The following ERC2 variants were observed in gnomAD, a reference collection of about 807,000 sequenced individuals.
The protein encoded by ERC2 is ELKS/RAB6-interacting/CAST family member 2.
In ERC2, 42 loss-of-function variants were observed where a neutral mutation model predicts 114.8. The observed-to-expected ratio is 0.37, with a 90% CI of 0.29 to 0.47. The LOEUF is 0.47. Ranked by LOEUF, ERC2 falls within the 20% of genes least tolerant of loss-of-function variation. The pLI is 0.99. For synonymous variants in ERC2, 454 were observed against 425.5 expected (o/e 1.07, Z -0.82); for missense variants, 939 against 1,150.7 (o/e 0.82, Z 2.66).
chr3:55,888,611 G>C, intron 13 of ERC2, 62 bp from the exon 14 acceptor site: 1 of 1,582,080 alleles, frequency 6.3e-7, no homozygotes, highest in East Asian at 2.2e-5. Flanking sequence ...GACATCCCTT[G>C]TTAGCCTGTG....
At chr3:56,257,858 A>G (rs951882827) in intron 3 of ERC2, among the ~76,000 whole-genome samples, 1 of 152,220 alleles carries the variant, frequency 6.6e-6, no homozygotes, top group Non-Finnish European at 1.5e-5. Flanking sequence ...ATTCTCATCA[A>G]GGATTTTTTA....
At chr3:55,930,825 G>A (rs1207128252) in intron 13 of ERC2, among the ~76,000 whole-genome samples, 1 of 152,042 alleles carries the variant, frequency 6.6e-6, no homozygotes, top group Non-Finnish European at 1.5e-5. Context: ...GCAACCTACA[G>A]AATGGGAGAA....
chr3:56,027,537 A>G (rs2074119967), intron 7 of ERC2, among the ~76,000 whole-genome samples: 1 of 152,180 alleles, frequency 6.6e-6, no homozygotes, highest in African/African-American at 2.4e-5. Flanking sequence ...TGATATATCA[A>G]TGTAGTTTTA....
chr3:56,213,282 C>G (rs1050952725), intron 3 of ERC2, among the ~76,000 whole-genome samples: 2 of 152,212 alleles, frequency 1.3e-5, no homozygotes, highest in African/African-American at 2.4e-5. Flanking sequence ...AAAGGGGTGA[C>G]AGATGGCACC....
At chr3:55,649,871 G>C (rs1329963324) in intron 17 of ERC2, among the ~76,000 whole-genome samples, 1 of 152,178 alleles carries the variant, frequency 6.6e-6, no homozygotes, top group African/African-American at 2.4e-5. Context: ...AACTGTAAAA[G>C]CCTCTCTGAA....
At position 55,700,606 on chromosome 3, in the gene ERC2, T is replaced by C. The variant is rs933866161; in HGVS notation, c.2713-1094A>G. ...TGTTGTTGTTTGCTGTAAGACATTT[T>C]TCCTCCTTTGTATGTGCTGCTTCCT... On this transcript the variant is annotated intron_variant, in intron 15 of 17. Coordinates refer to ENST00000288221, the MANE Select transcript of ERC2 (RefSeq NM_015576.3). 3.3e-5 allele frequency among the ~76,000 whole-genome samples: 5 copies of C among 152,326 alleles called. No individual in the cohort carries two copies. The Middle Eastern group carries it at 0.014, about 414-fold the overall frequency.
chr3:56,231,477 T>C (rs1434903883), intron 3 of ERC2, among the ~76,000 whole-genome samples: 6 of 152,220 alleles, frequency 3.9e-5, no homozygotes, highest in Non-Finnish European at 1.5e-5. Flanking sequence ...CACCTGCCAT[T>C]GTGGCATTCC....
At chr3:55,626,313 CTGA>C (rs2059521504) in intron 17 of ERC2, among the ~76,000 whole-genome samples, 1 of 152,180 alleles carries the variant, frequency 6.6e-6, no homozygotes, top group Admixed American at 6.5e-5. Flanking sequence ...TGACTTGGTA[CTGA>C]TCAGCACCAA....
At chr3:55,591,567 T>TTGTGCG (rs1456737005) in intron 17 of ERC2, among the ~76,000 whole-genome samples, 10 of 127,544 alleles carry the variant, frequency 7.8e-5, no homozygotes, top group South Asian at 3.2e-4. Context: ...CCTCAGAAGT[T>TTGTGCG]TGTGTGCGTG....
chr3:55,715,287 G>A (rs1187897195), intron 15 of ERC2, among the ~76,000 whole-genome samples: 1 of 152,126 alleles, frequency 6.6e-6, no homozygotes, highest in Non-Finnish European at 1.5e-5. Flanking sequence ...GACCTCGGCT[G>A]GATCAAGTCA....
intron 12 of ERC2, among the ~76,000 whole-genome samples, chr3:55,956,423 TG>T (rs1282997286): frequency 6.8e-6 from 1 of 147,720 alleles, no homozygotes; most frequent in East Asian, 2.0e-4. Flanking sequence ...AGCTTTTACT[TG>T]TAACCACTGA....
At chr3:56,465,492 G>T (rs1483458959) in intron 1 of ERC2, among the ~76,000 whole-genome samples, 3 of 152,142 alleles carry the variant, frequency 2.0e-5, no homozygotes, top group Non-Finnish European at 4.4e-5. Flanking sequence ...ATGGAAAAGG[G>T]TCTCTGTAAA....
At chr3:55,661,576 T>A (rs2061138804) in intron 17 of ERC2, among the ~76,000 whole-genome samples, 2 of 152,196 alleles carry the variant, frequency 1.3e-5, no homozygotes, top group African/African-American at 4.8e-5. Context: ...TGACATTGGG[T>A]CCGTTTACAT....
At chr3:56,255,223 T>C (rs901371248) in intron 3 of ERC2, among the ~76,000 whole-genome samples, 8 of 152,222 alleles carry the variant, frequency 5.3e-5, no homozygotes, top group Non-Finnish European at 1.2e-4. Flanking sequence ...TTGTCCTCTA[T>C]GGATGTGTGA....
At chr3:55,556,734 A>C (rs1012747643) in intron 17 of ERC2, among the ~76,000 whole-genome samples, 1 of 152,150 alleles carries the variant, frequency 6.6e-6, no homozygotes, top group Non-Finnish European at 1.5e-5. Flanking sequence ...TCCTGACCAC[A>C]TCATCTGAGC....
Position 55,888,610 on chromosome 3 carries a change from T to C in ERC2, c.2404-61A>G, listed in dbSNP as rs937010384. The C allele has an allele frequency of 3.8e-6, 6 of 1,583,790 alleles. No individual in the cohort carries two copies. In the South Asian group the frequency reaches 6.8e-5, roughly 18 times the overall value. On this transcript the variant is annotated intron_variant, in intron 13 of 17. Transcript: ENST00000288221. ...CTTCATTCAAGCACAAGACATCCCT[T>C]GTTAGCCTGTGTTCCAACAACAAAC...
At chr3:55,775,895 G>A (rs2068571336) in intron 14 of ERC2, among the ~76,000 whole-genome samples, 1 of 152,170 alleles carries the variant, frequency 6.6e-6, no homozygotes, top group Non-Finnish European at 1.5e-5. Context: ...GGCTTCCCCA[G>A]GGGCAGTCTG....
intron 2 of ERC2, among the ~76,000 whole-genome samples, chr3:56,409,786 G>C (rs1005637178): frequency 6.6e-6 from 1 of 152,172 alleles, no homozygotes; most frequent in African/African-American, 2.4e-5. Context: ...CCTATTATCA[G>C]ATTTCTAGAA....
intron 12 of ERC2, among the ~76,000 whole-genome samples, chr3:55,969,939 C>G (rs2069035180): frequency 6.6e-6 from 1 of 152,108 alleles, no homozygotes; most frequent in Admixed American, 6.6e-5. Context: ...GGAAGTAGCT[C>G]AAATTTTGAA....
Sources: gnomAD v4.1 joint callset for allele counts (sites outside exome capture counted in the v4.1 genomes callset) on GRCh38, gnomAD v4.1.1 for gene constraint, MANE v1.5 for transcripts, NCBI Gene and HGNC (gene_info 2026-07-23, HGNC 2026-07-21) for gene names.